ZC3H14: variants seen among roughly 807,000 people sequenced by gnomAD.
The protein encoded by ZC3H14 is zinc finger CCCH domain-containing protein 14.
A neutral mutation model predicts 92.4 loss-of-function variants in ZC3H14; 31 were observed. That is an observed-to-expected ratio of 0.34 (90% CI 0.25 to 0.45). ZC3H14 has a LOEUF of 0.45. ZC3H14 is among the 20% of genes least tolerant of loss of function. The pLI is 1.00. For synonymous variants in ZC3H14, 321 were observed against 300.9 expected, an observed-to-expected ratio of 1.07 and a Z score of -0.69; for missense variants, 781 against 897.3, an observed-to-expected ratio of 0.87 and a Z score of 1.66.
At chr14:88,571,395 T>C (rs2080369460) in intron 4 of ZC3H14, among the ~76,000 whole-genome samples, 2 of 152,118 alleles carry the variant, frequency 1.3e-5, no homozygotes, top group African/African-American at 4.8e-5. Context: ...ATTTCAGTAT[T>C]TTATAATTGA....
chr14:88,568,397 C>T (rs2079968093), intron 3 of ZC3H14, among the ~76,000 whole-genome samples: 1 of 152,112 alleles, frequency 6.6e-6, no homozygotes, highest in Non-Finnish European at 1.5e-5. Flanking sequence ...TGGGGAGGCC[C>T]CAGGAAGGGG....
Position 88,616,195 on chromosome 14 carries a change from A to G in ZC3H14, c.*4444A>G. 6.2e-7 allele frequency: 1 copy of G among 1,613,950 alleles called. No homozygotes were observed. Among genetic ancestry groups the G allele is most frequent in the Non-Finnish European group, 8.5e-7 (1 of 1,179,826 alleles). On this transcript the variant is annotated 3_prime_UTR_variant, in exon 17 of 17. Coordinates refer to ENST00000251038, the MANE Select transcript of ZC3H14 (RefSeq NM_024824.5). Reference sequence around the variant, plus strand: ...CATGTCGATCACCACTGGTAAATCGAATATTTGTCACATGGGGCGAATGAC... The same window carrying G: ...CATGTCGATCACCACTGGTAAATCGGATATTTGTCACATGGGGCGAATGAC...
chr14:88,624,994 A>T lies in ZC3H14; in HGVS notation c.*13243A>T. The T allele has an allele frequency of 6.2e-7, 1 of 1,613,672 alleles. No homozygotes were observed. Among genetic ancestry groups the T allele is most frequent in the East Asian group, 2.2e-5 (1 of 44,876 alleles). On this transcript the variant is annotated 3_prime_UTR_variant, in exon 17 of 17. Coordinates refer to ENST00000251038, the MANE Select transcript of ZC3H14 (RefSeq NM_024824.5). Reference sequence around the variant, plus strand: ...CGGCCTTTCCTTTCCCCCAGTCACGATAAGTCCATCTCGCAGGGTGGTGTA... The same window carrying T: ...CGGCCTTTCCTTTCCCCCAGTCACGTTAAGTCCATCTCGCAGGGTGGTGTA...
intron 1 of ZC3H14, 161 bp from the exon 2 acceptor site, chr14:88,563,490 G>C (rs1039985530): frequency 3.6e-5 from 55 of 1,522,246 alleles, no homozygotes; most frequent in East Asian, 1.2e-4. Flanking sequence ...GAGCTGGAGT[G>C]GGGTGCGGGG....
At position 88,574,867 on chromosome 14, in the gene ZC3H14, G is replaced by A. The variant is rs2080954730; in HGVS notation, c.1022+14G>A. ...GCCTGAAAGGAGGTACCTTGAACAT[G>A]GCTGTAAATTAATCTTTAACTGCCT... On this transcript the variant is annotated intron_variant, in intron 7 of 16. Transcript: ENST00000251038. 6.2e-7 allele frequency: 1 copy of A among 1,614,006 alleles called. No individual in the cohort carries two copies. The highest frequency in any genetic ancestry group is 1.3e-5 in the African/African-American group (1 of 74,926).
chr14:88,607,075 A>T (rs1030469251), intron 12 of ZC3H14, among the ~76,000 whole-genome samples, 168 bp from the exon 13 acceptor site: 1 of 152,112 alleles, frequency 6.6e-6, no homozygotes, highest in Non-Finnish European at 1.5e-5. Flanking sequence ...GCAACCTTTT[A>T]TAGGATTCTA....
At position 88,571,088 on chromosome 14, in the gene ZC3H14, C is replaced by A; in HGVS notation, c.199C>A (p.His67Asn). ...NNTIRFTVWL[H>N]GVLDKLRSVT... ...GTTTTTTGTTTTTTTCCTCAGGCTTCATGGTGTATTAGATAAACTTCGCTC... is the reference window on the plus strand; with the variant it reads ...GTTTTTTGTTTTTTTCCTCAGGCTTAATGGTGTATTAGATAAACTTCGCTC... The change falls in exon 4 of 17, where the codon CAT (histidine) becomes AAT (asparagine). Residue 67 changes from histidine (H) to asparagine (N), a missense_variant. Around this residue, in one of 3 missense-constraint regions of ZC3H14, gnomAD observed 106 missense variants for 154.2 expected, o/e 0.69. Transcript: ENST00000251038. The A allele has an allele frequency of 6.4e-7, 1 of 1,560,216 alleles. No homozygotes were observed.
rs1324386457 is a variant in ZC3H14, at chr14:88,619,272, G to A, written c.*7521G>A. ...CCCATCTACTCGGGAGGCTGAAGCA[G>A]GAGAATCGCTTGAACCCAGGAGGCA... On this transcript the variant is annotated 3_prime_UTR_variant, in exon 17 of 17. Transcript: ENST00000251038. The A allele has an allele frequency of 6.5e-6, 1 of 152,790 alleles. No homozygotes were observed. Among genetic ancestry groups the A allele is most frequent in the Non-Finnish European group, 1.5e-5 (1 of 68,502 alleles). 9.5% of individuals were successfully genotyped at this position (152,790 alleles called of 1,614,324 possible). A position where few individuals can be genotyped will look rare whatever the true frequency, so the allele number is the denominator to read the frequency against.
In ZC3H14 at chr14:88,616,620, A is replaced by G; in HGVS notation, c.*4869A>G. The G allele has an allele frequency of 8.3e-7, 1 of 1,205,084 alleles. No individual in the cohort carries two copies. The highest frequency in any genetic ancestry group is 1.1e-6 in the Non-Finnish European group (1 of 887,064). The allele number at this position is 1,205,084 out of a possible 1,614,324, so 74.6% of individuals were successfully genotyped here. A position where few individuals can be genotyped will look rare whatever the true frequency, so the allele number is the denominator to read the frequency against. ...ATAGATTTAGAAAGTTTGGGGAAAA[A>G]TTTAGAAATTAGGACAAAACATTTT... On this transcript the variant is annotated 3_prime_UTR_variant, in exon 17 of 17. Coordinates refer to ENST00000251038, the MANE Select transcript of ZC3H14 (RefSeq NM_024824.5).
chr14:88,575,868 A>G lies in ZC3H14; in HGVS notation c.1051A>G (p.Asn351Asp), dbSNP rs895894037. 2 of 1,613,772 alleles carry G rather than the reference A, an allele frequency of 1.2e-6. No homozygotes were observed. The highest frequency in any genetic ancestry group is 1.7e-6 in the Non-Finnish European group (2 of 1,179,896). Residue 351 changes from asparagine (N) to aspartate (D), a missense_variant, in exon 8 of 17, where the codon AAC becomes GAC. This residue lies in a region of ZC3H14 where 454 missense variants were observed against 438.5 expected (regional missense o/e 1.04). Transcript: ENST00000251038. ...RPSLPPSKQA[N>D]KNLILKAISE... ...TTCTCTTCCACCTTCTAAACAAGCT[A>G]ACAAGAATCTGATTTTGAAGGCTAT... is the stretch of plus-strand genomic sequence containing the variant.
rs1465905554 is a variant in ZC3H14, at chr14:88,574,756, A to G, written c.925A>G (p.Asn309Asp). Residue 309 changes from asparagine to aspartate, a missense_variant, in exon 7 of 17, where the codon AAT becomes GAT. Physicochemically the swap from Asn to Asp is conservative, Grantham distance 23. This residue lies in a region of ZC3H14 where 454 missense variants were observed against 438.5 expected (regional missense o/e 1.04). Transcript: ENST00000251038. ...TTCAGTTGTTAAAGTAAAAAAATTCAATCATGATGGAGAAGAGGAGGAAGA... is the reference window on the plus strand; with the variant it reads ...TTCAGTTGTTAAAGTAAAAAAATTCGATCATGATGGAGAAGAGGAGGAAGA... ...VSSVVKVKKF[N>D]HDGEEEEEDD... is the part of the protein sequence containing the mutation. The G allele has an allele frequency of 6.2e-7, 1 of 1,614,170 alleles. No individual in the cohort carries two copies. The highest frequency in any genetic ancestry group is 1.7e-5 in the Admixed American group (1 of 60,014).
At chr14:88,593,442 C>T (rs949542232) in intron 9 of ZC3H14, among the ~76,000 whole-genome samples, 5 of 152,016 alleles carry the variant, frequency 3.3e-5, no homozygotes, top group African/African-American at 9.7e-5. Context: ...AAAAGAGTAA[C>T]GTTGGCAAGG....
Position 88,607,281 on chromosome 14 carries a change from A to C in ZC3H14, c.1786A>C (p.Lys596Gln), listed in dbSNP as rs1290141928. 1 of 1,614,042 alleles carries C rather than the reference A, an allele frequency of 6.2e-7. No individual in the cohort carries two copies. Among genetic ancestry groups the C allele is most frequent in the Non-Finnish European group, 8.5e-7 (1 of 1,179,980 alleles). Reference protein sequence around the residue: ...SELSVAQKPEKLLERCKYWPA... With the variant: ...SELSVAQKPEQLLERCKYWPA... The stretch of plus-strand genomic sequence containing the variant: ...ACTGAGTGTGGCACAGAAACCAGAA[A>C]AACTTTTGGAGCGCTGCAAGTACTG... The change falls in exon 13 of 17, where the codon AAA (lysine) becomes CAA (glutamine). Residue 596 changes from lysine to glutamine, a missense_variant. Coordinates refer to ENST00000251038, the MANE Select transcript of ZC3H14 (RefSeq NM_024824.5).
rs2085569714 is a variant in ZC3H14 at position 88,607,328 on chromosome 14, T to A, written c.1833T>A (p.Asp611Glu). ...ACTGGCCTGCTTGTAAAAATGGGGA[T>A]GAGTGTGCCTACCATCACCCCATCT... ...CKYWPACKNGDECAYHHPISP... is the reference protein window; with the variant it reads ...CKYWPACKNGEECAYHHPISP... Residue 611 changes from aspartate to glutamate, a missense_variant, in exon 13 of 17, where the codon GAT (aspartate) becomes GAA (glutamate). By Grantham distance (45) the Asp-to-Glu change is conservative. This residue lies in a region of ZC3H14 where 221 missense variants were observed against 304.7 expected (regional missense o/e 0.73). Coordinates refer to ENST00000251038, the MANE Select transcript of ZC3H14 (RefSeq NM_024824.5). 4.3e-6 allele frequency: 7 copies of A among 1,613,750 alleles called. No homozygotes were observed. Among genetic ancestry groups the A allele is most frequent in the Non-Finnish European group, 5.1e-6 (6 of 1,179,862 alleles).
Position 88,568,124 on chromosome 14 carries a change from A to G in ZC3H14, c.165A>G (p.Leu55=), listed in dbSNP as rs2079932143. 6.2e-7 allele frequency: 1 copy of G among 1,614,130 alleles called. No homozygotes were observed. Among genetic ancestry groups the G allele is most frequent in the Non-Finnish European group, 8.5e-7 (1 of 1,179,956 alleles). The stretch of plus-strand genomic sequence containing the variant: ...TGACAGAGGATCTGTCCCTGTTTCT[A>G]GGGAACAACACAATTCGATTCACCG... The part of the protein sequence containing the change: ...DQMTEDLSLF[L]GNNTIRFTVW... The change falls in exon 3 of 17, where the codon CTA becomes CTG. Residue 55 remains leucine, a synonymous_variant. Coordinates refer to ENST00000251038, the MANE Select transcript of ZC3H14 (RefSeq NM_024824.5).
chr14:88,625,251 T>A lies in ZC3H14; in HGVS notation c.*13500T>A. 1 of 1,139,070 alleles carries A rather than the reference T, an allele frequency of 8.8e-7. No homozygotes were observed. Among genetic ancestry groups the A allele is most frequent in the East Asian group, 2.6e-5 (1 of 38,106 alleles). 70.6% of individuals were successfully genotyped at this position (1,139,070 alleles called of 1,614,324 possible). A position where few individuals can be genotyped will look rare whatever the true frequency, so the allele number is the denominator to read the frequency against. On this transcript the variant is annotated 3_prime_UTR_variant, in exon 17 of 17. Coordinates refer to ENST00000251038, the MANE Select transcript of ZC3H14 (RefSeq NM_024824.5). The stretch of plus-strand genomic sequence containing the variant: ...GATACAAAGAGCATGCATCGTGTAG[T>A]GGCAGCAGCACTGAATTCACGAGTC...
In ZC3H14 at chr14:88,609,619, T is replaced by C. The variant is rs887009917; in HGVS notation, c.2006-93T>C. The C allele has an allele frequency of 3.4e-5, 50 of 1,477,438 alleles. 1 individual carries two copies. Among genetic ancestry groups the C allele is most frequent in the Non-Finnish European group, 8.5e-6 (9 of 1,060,830 alleles). 91.5% of individuals were successfully genotyped at this position (1,477,438 alleles called of 1,614,324 possible). Reference sequence around the variant, plus strand: ...AAACCTTACCATTCTAATTTAAAAATGGTTTTCACTTTCAAAAAAAACATC... The same window carrying C: ...AAACCTTACCATTCTAATTTAAAAACGGTTTTCACTTTCAAAAAAAACATC... On this transcript the variant is annotated intron_variant, in intron 14 of 16. Coordinates refer to ENST00000251038, the MANE Select transcript of ZC3H14 (RefSeq NM_024824.5).
chr14:88,616,431 G>A lies in ZC3H14; in HGVS notation c.*4680G>A, dbSNP rs1057013843. 1.6e-6 allele frequency: 1 copy of A among 635,162 alleles called. No individual in the cohort carries two copies. The highest frequency in any genetic ancestry group is 1.8e-5 in the African/African-American group (1 of 54,506). 39.3% of individuals were successfully genotyped at this position (635,162 alleles called of 1,614,324 possible). On this transcript the variant is annotated 3_prime_UTR_variant, in exon 17 of 17. Transcript: ENST00000251038. Reference sequence around the variant, plus strand: ...AACCAGGCTGTGTGGGCAGTCAGATGTCTCCAGGTACTCTGACCATTTTTC... The same window carrying A: ...AACCAGGCTGTGTGGGCAGTCAGATATCTCCAGGTACTCTGACCATTTTTC...
Position 88,563,657 on chromosome 14 carries a change from A to G in ZC3H14, c.43A>G (p.Ile15Val). 2 of 1,614,224 alleles carry G rather than the reference A, an allele frequency of 1.2e-6. No homozygotes were observed. Among genetic ancestry groups the G allele is most frequent in the Non-Finnish European group, 1.7e-6 (2 of 1,180,012 alleles). ...TEISRKIRSA[I>V]KGKLQELGAY... ...TTTGCTCTTTTTCTCTCAGAGTGCC[A>G]TTAAGGGGAAATTACAAGAATTAGG... The change falls in exon 2 of 17, where the codon ATT becomes GTT. Residue 15 changes from isoleucine to valine, a missense_variant. Ile to Val is a conservative substitution (Grantham distance 29, BLOSUM62 3). This residue lies in a region of ZC3H14 where 106 missense variants were observed against 154.2 expected (regional missense o/e 0.69). Transcript: ENST00000251038.
Sources: gnomAD v4.1 joint callset for allele counts (sites outside exome capture counted in the v4.1 genomes callset) on GRCh38, gnomAD v4.1.1 for gene constraint, gnomAD v4.1.1 regional missense constraint, MANE v1.5 for transcripts, NCBI Gene and HGNC (gene_info 2026-07-23, HGNC 2026-07-21) for gene names.